ERO1A: variants seen among roughly 807,000 people sequenced by gnomAD.
ERO1A encodes the protein endoplasmic reticulum oxidoreductase 1 alpha.
Under a neutral mutation model 76.9 loss-of-function variants are expected in ERO1A, and 49 were observed. The ratio of observed to expected loss-of-function variants is 0.64; its 90% CI spans 0.51 to 0.81. The LOEUF (loss-of-function observed/expected upper bound fraction) is 0.81, where lower values mean the gene tolerates loss of function less well. Among genes scored for constraint, ERO1A ranks in the 30% least tolerant of loss-of-function variants. The pLI, the probability that ERO1A is intolerant of heterozygous loss-of-function variation, is 0.00. For missense variants in ERO1A, 448 were observed against 542.1 expected, an observed-to-expected ratio of 0.83 and a Z score of 1.72; for synonymous variants, 174 against 181.2, an observed-to-expected ratio of 0.96 and a Z score of 0.32.
At chr14:52,679,186 T>C (rs1316431414) in intron 3 of ERO1A, among the ~76,000 whole-genome samples, 1 of 152,106 alleles carries the variant, frequency 6.6e-6, no homozygotes, top group Admixed American at 6.6e-5. Flanking sequence ...GCCTCTTTTC[T>C]TTATAAATTA....
intron 3 of ERO1A, among the ~76,000 whole-genome samples, chr14:52,681,354 G>A (rs1187665752): frequency 6.6e-6 from 1 of 152,178 alleles, no homozygotes; most frequent in Non-Finnish European, 1.5e-5. Context: ...AGCACTTTGG[G>A]AGGCTGAGGC....
chr14:52,666,299 A>T, intron 7 of ERO1A, 76 bp downstream of exon 7: 1 of 1,070,974 alleles, frequency 9.3e-7, no homozygotes, highest in Non-Finnish European at 1.4e-6. Flanking sequence ...TTTTAATTTT[A>T]AATCATTATG....
At chr14:52,644,979 CA>C (rs1266924503) in intron 15 of ERO1A, among the ~76,000 whole-genome samples, 1 of 152,086 alleles carries the variant, frequency 6.6e-6, no homozygotes, top group African/African-American at 2.4e-5. Context: ...TAAATCTCAG[CA>C]TTTCTTGCAT....
At chr14:52,649,942 G>C (rs2039799096) in intron 13 of ERO1A, among the ~76,000 whole-genome samples, 1 of 152,150 alleles carries the variant, frequency 6.6e-6, no homozygotes, top group African/African-American at 2.4e-5. Context: ...GCTGGGTATG[G>C]TGGTGGCTCA....
intron 7 of ERO1A, chr14:52,664,083 T>C (rs1387655357): frequency 6.1e-6 from 2 of 327,652 alleles, no homozygotes; most frequent in Non-Finnish European, 1.1e-5. Flanking sequence ...AATCACTTCT[T>C]CAAACAAAAG....
chr14:52,694,388 T>C (rs913359428), intron 1 of ERO1A, among the ~76,000 whole-genome samples: 1 of 152,158 alleles, frequency 6.6e-6, no homozygotes, highest in East Asian at 1.9e-4. Flanking sequence ...AATCCAAGAA[T>C]GTAAAGTAGT....
chr14:52,689,839 A>C (rs992911549), intron 1 of ERO1A, among the ~76,000 whole-genome samples: 1 of 152,240 alleles, frequency 6.6e-6, no homozygotes, highest in Non-Finnish European at 1.5e-5. Flanking sequence ...GCAATTTTGC[A>C]AGAACAAACC....
At chr14:52,684,148 C>G (rs903043428) in intron 1 of ERO1A, among the ~76,000 whole-genome samples, 1 of 133,516 alleles carries the variant, frequency 7.5e-6, no homozygotes, top group Non-Finnish European at 1.7e-5. Context: ...CACACACACA[C>G]ACAGAGAGAG....
At position 52,643,553 on chromosome 14, in the gene ERO1A, A is replaced by G. The variant is rs1383705524; in HGVS notation, c.*17T>C. The G allele has an allele frequency of 6.8e-6, 10 of 1,462,172 alleles. No individual in the cohort carries two copies. The highest frequency in any genetic ancestry group is 9.1e-6 in the Non-Finnish European group (10 of 1,103,160). The allele number at this position is 1,462,172 out of a possible 1,614,324, so 90.6% of individuals were successfully genotyped here. A position where few individuals can be genotyped will look rare whatever the true frequency, so the allele number is the denominator to read the frequency against. The stretch of plus-strand genomic sequence containing the variant: ...GCCTCCATTGTCCAGAAACAGGCAC[A>G]TATCAGCTTGTTTTCTTTAATGAAT... On this transcript the variant is annotated 3_prime_UTR_variant, in exon 16 of 16. Coordinates refer to ENST00000395686, the MANE Select transcript of ERO1A (RefSeq NM_014584.3).
chr14:52,695,361 C>A lies in ERO1A; in HGVS notation c.114+7G>T. On this transcript the variant is annotated splice_region_variant and intron_variant, in intron 1 of 15. Transcript: ENST00000395686. ...GGACCCTCAGCACCAACGCGCACAT[C>A]GCTCACCTGGCAGAAGCACCTCTGT... The A allele has an allele frequency of 6.9e-7, 1 of 1,444,678 alleles. No individual in the cohort carries two copies. The highest frequency in any genetic ancestry group is 9.2e-7 in the Non-Finnish European group (1 of 1,086,898). 89.5% of individuals were successfully genotyped at this position (1,444,678 alleles called of 1,614,324 possible). A position where few individuals can be genotyped will look rare whatever the true frequency, so the allele number is the denominator to read the frequency against.
chr14:52,657,915 A>G lies in ERO1A; in HGVS notation c.808+2T>C, dbSNP rs1378165651. The G allele has an allele frequency of 1.3e-6, 2 of 1,592,596 alleles. No individual in the cohort carries two copies. The highest frequency in any genetic ancestry group is 1.7e-6 in the Non-Finnish European group (2 of 1,166,336). ...GACTGAATAAAAGTAAATGTCACAT[A>G]CCTTGTAAAAGATATCTTGCACTCA... On this transcript the variant is annotated splice_donor_variant, in intron 11 of 15. Coordinates refer to ENST00000395686, the MANE Select transcript of ERO1A (RefSeq NM_014584.3). LOFTEE classifies it high-confidence loss of function.
intron 7 of ERO1A, among the ~76,000 whole-genome samples, chr14:52,666,166 C>CA (rs1442532382): frequency 6.6e-6 from 1 of 152,170 alleles, no homozygotes; most frequent in African/African-American, 2.4e-5. Context: ...ACAATACTCC[C>CA]ATAAAGGTCT....
intron 1 of ERO1A, among the ~76,000 whole-genome samples, chr14:52,686,874 C>CAA (rs5808687): frequency 3.7e-5 from 5 of 134,870 alleles, no homozygotes; most frequent in African/African-American, 1.4e-4. Flanking sequence ...GACTCCATCT[C>CAA]AAAAAAAAAA....
In ERO1A at chr14:52,646,562, A is replaced by G. The variant is rs1475144650; in HGVS notation, c.1126-101T>C. ...TGTGCCTAACACTGTGCAAGGTACT[A>G]TGGGGTACCAAAAATGAGAACAGCA... On this transcript the variant is annotated intron_variant, in intron 13 of 15. Transcript: ENST00000395686. The G allele has an allele frequency of 6.3e-6, 5 of 791,684 alleles. No homozygotes were observed. In the Admixed American group the frequency reaches 1.4e-4, roughly 22 times the overall value. The allele number at this position is 791,684 out of a possible 1,614,324, so 49.0% of individuals were successfully genotyped here. A position where few individuals can be genotyped will look rare whatever the true frequency, so the allele number is the denominator to read the frequency against.
intron 1 of ERO1A, among the ~76,000 whole-genome samples, chr14:52,690,903 G>A (rs984490309): frequency 5.3e-5 from 8 of 152,044 alleles, no homozygotes; most frequent in Non-Finnish European, 1.0e-4. Context: ...GAGTAGCTGG[G>A]ATTACAGGCA....
Position 52,664,778 on chromosome 14 carries a change from G to A in ERO1A, c.630-931C>T, listed in dbSNP as rs954840639. 3.3e-5 allele frequency among the ~76,000 whole-genome samples: 5 copies of A among 151,910 alleles called. No homozygotes were observed. The South Asian group carries it at 6.3e-4, about 19-fold the overall frequency. On this transcript the variant is annotated intron_variant, in intron 7 of 15. Transcript: ENST00000395686. Reference sequence around the variant, plus strand: ...GCAATCTGGGCTCACTGCAAGCTCCGCCTCCCGGGTTCACGCCATTCTCCT... The same window carrying A: ...GCAATCTGGGCTCACTGCAAGCTCCACCTCCCGGGTTCACGCCATTCTCCT...
At chr14:52,688,034 ATAAC>A (rs2041234193) in intron 1 of ERO1A, among the ~76,000 whole-genome samples, 1 of 152,060 alleles carries the variant, frequency 6.6e-6, no homozygotes, top group Non-Finnish European at 1.5e-5. Context: ...AAAAAATAAA[ATAAC>A]TAGCCAGGCA....
At chr14:52,686,040 C>T (rs553793579) in intron 1 of ERO1A, among the ~76,000 whole-genome samples, 1 of 152,262 alleles carries the variant, frequency 6.6e-6, no homozygotes, top group South Asian at 2.1e-4. Context: ...GGTGAAGCCC[C>T]ATCCCTACCA....
Position 52,660,276 on chromosome 14 carries a change from T to TATAAGTATAATAAG in ERO1A, c.688+1016_688+1017insCTTATTATACTTAT, listed in dbSNP as rs1458424769. Among the ~76,000 whole-genome samples the TATAAGTATAATAAG allele has an allele frequency of 4.2e-3, 644 of 152,336 alleles. 9 individuals are homozygous for TATAAGTATAATAAG. Among genetic ancestry groups the TATAAGTATAATAAG allele is most frequent in the Admixed American group, 0.035 (531 of 15,292 alleles). On this transcript the variant is annotated intron_variant, in intron 9 of 15. Coordinates refer to ENST00000395686, the MANE Select transcript of ERO1A (RefSeq NM_014584.3). ...AATCAATACTTATAATAAGACAGTT[T>TATAAGTATAATAAG]CTCTAAGGATGGCTCCCACAGGTTA...
Sources: allele counts gnomAD v4.1 joint callset (sites outside exome capture counted in the v4.1 genomes callset), GRCh38; gene constraint gnomAD v4.1.1; transcripts MANE v1.5; gene names NCBI Gene and HGNC (gene_info 2026-07-23, HGNC 2026-07-21).